KMT2C: variants seen among roughly 807,000 people sequenced by gnomAD.
The protein encoded by KMT2C is histone-lysine N-methyltransferase 2C.
In KMT2C, 88 loss-of-function variants were observed where a neutral mutation model predicts 507.9. The observed-to-expected ratio is 0.17, with a 90% confidence interval of 0.15 to 0.21. The LOEUF is 0.21. Among genes scored for constraint, KMT2C ranks in the 10% least tolerant of loss-of-function variants. KMT2C has a pLI of 1.00. For synonymous variants in KMT2C, 2,049 were observed against 2,080.8 expected, an observed-to-expected ratio of 0.98 and a Z score of 0.42; for missense variants, 4,954 against 5,957.8, an observed-to-expected ratio of 0.83 and a Z score of 5.55.
At chr7:152,367,375 C>A (rs1272818561) in intron 1 of KMT2C, 6 of 711,770 alleles carry the variant, frequency 8.4e-6, no homozygotes, top group Non-Finnish European at 1.5e-5. Flanking sequence ...ACCAGGGGCA[C>A]CCCCGGCTGG....
intron 2 of KMT2C, among the ~76,000 whole-genome samples, chr7:152,340,295 A>T (rs963833027): frequency 6.6e-6 from 1 of 151,922 alleles, no homozygotes; most frequent in Admixed American, 6.6e-5. Flanking sequence ...TGCCCAGCCT[A>T]ATCAGCTATT....
At chr7:152,433,046 G>A (rs1255259938) in intron 1 of KMT2C, among the ~76,000 whole-genome samples, 4 of 152,038 alleles carry the variant, frequency 2.6e-5, no homozygotes, top group Non-Finnish European at 5.9e-5. Flanking sequence ...TACTCTGGAG[G>A]CTGAGGAAGG....
intron 34 of KMT2C, among the ~76,000 whole-genome samples, chr7:152,184,801 G>C (rs1419877472): frequency 6.6e-6 from 1 of 152,104 alleles, no homozygotes; most frequent in Non-Finnish European, 1.5e-5. Flanking sequence ...ACCTAGCAGG[G>C]TGGTCTTGCT....
rs2093411199 is a variant in KMT2C, at chr7:152,180,832, T to C, written c.7028A>G (p.His2343Arg). Residue 2343 changes from histidine to arginine, a missense_variant, in exon 36 of 59, where the codon CAC becomes CGC. This residue lies in a region of KMT2C where 1,689 missense variants were observed against 1,654.3 expected (regional missense o/e 1.02). Transcript: ENST00000262189. The part of the protein sequence containing the change: ...SFCASSNSPM[H>R]SQGQQFSGVS... ...ACCAGAGAACTGCTGGCCTTGGGAGTGCATTGGAGAGTTTGAAGATGCACA... is the reference window on the plus strand; with the variant it reads ...ACCAGAGAACTGCTGGCCTTGGGAGCGCATTGGAGAGTTTGAAGATGCACA... The C allele has an allele frequency of 6.2e-7, 1 of 1,614,026 alleles. No homozygotes were observed. The highest frequency in any genetic ancestry group is 1.1e-5 in the South Asian group (1 of 91,080).
intron 3 of KMT2C, among the ~76,000 whole-genome samples, chr7:152,317,037 T>C (rs1461608314): frequency 2.0e-5 from 3 of 152,180 alleles, no homozygotes; most frequent in Non-Finnish European, 4.4e-5. Context: ...AGATTGACAT[T>C]AGTCTTATCA....
At chr7:152,373,764 G>A (rs906336170) in intron 1 of KMT2C, among the ~76,000 whole-genome samples, 1 of 152,104 alleles carries the variant, frequency 6.6e-6, no homozygotes, top group African/African-American at 2.4e-5. Flanking sequence ...TTATTCTACT[G>A]TAATAGAAAG....
At chr7:152,185,695 G>C (rs2093605320) in intron 33 of KMT2C, 64 bp from the exon 34 acceptor site, 2 of 1,137,064 alleles carry the variant, frequency 1.8e-6, no homozygotes, top group Admixed American at 1.7e-5. Context: ...TTGTAATAAA[G>C]AATGTTGATG....
chr7:152,400,047 G>A (rs766978335), intron 1 of KMT2C, among the ~76,000 whole-genome samples: 6 of 152,084 alleles, frequency 3.9e-5, no homozygotes, highest in African/African-American at 1.2e-4. Flanking sequence ...GGGGGTTCAC[G>A]CCTGTAATCC....
At chr7:152,308,673 C>CAAAAAAAAAAAAAAAAA (rs938826373) in intron 6 of KMT2C, among the ~76,000 whole-genome samples, 9 of 24,566 alleles carry the variant, frequency 3.7e-4, no homozygotes, top group Admixed American at 1.2e-3. Context: ...AAACTCCTCT[C>CAAAAAAAAAAAAAAAAA]AAAAAAAAAA....
intron 52 of KMT2C, among the ~76,000 whole-genome samples, chr7:152,147,121 A>T (rs1353196841): frequency 6.6e-6 from 1 of 152,016 alleles, no homozygotes; most frequent in Non-Finnish European, 1.5e-5. Flanking sequence ...TGTTAAATTG[A>T]TATTTTCTTT....
chr7:152,166,910 T>A (rs2092755305), intron 42 of KMT2C, among the ~76,000 whole-genome samples: 1 of 152,218 alleles, frequency 6.6e-6, no homozygotes, highest in Admixed American at 6.5e-5. Context: ...AGACTCAATC[T>A]CTTTTGTGTC....
At chr7:152,185,339 A>G (rs780375035) in intron 34 of KMT2C, among the ~76,000 whole-genome samples, 24 of 152,190 alleles carry the variant, frequency 1.6e-4, no homozygotes, top group Non-Finnish European at 2.6e-4. Context: ...CTGATTTTCA[A>G]TCTTCAACGT....
At chr7:152,164,109 G>A (rs1167160822) in intron 42 of KMT2C, among the ~76,000 whole-genome samples, 1 of 151,880 alleles carries the variant, frequency 6.6e-6, no homozygotes, top group African/African-American at 2.4e-5. Context: ...AAAATCTTAT[G>A]GTGAAACTCA....
intron 52 of KMT2C, 129 bp downstream of exon 52, chr7:152,147,904 G>T: frequency 3.0e-6 from 3 of 1,016,554 alleles, no homozygotes; most frequent in Non-Finnish European, 2.7e-6. Flanking sequence ...ATTGGCATTT[G>T]TAAATGAAAA....
At chr7:152,236,123 T>C (rs1164504989) in intron 15 of KMT2C, among the ~76,000 whole-genome samples, 190 bp from the exon 16 acceptor site, 2 of 152,268 alleles carry the variant, frequency 1.3e-5, no homozygotes, top group African/African-American at 4.8e-5. Flanking sequence ...AAATATAAAA[T>C]GCTTACAACC....
At chr7:152,429,905 G>C (rs890469570) in intron 1 of KMT2C, among the ~76,000 whole-genome samples, 2 of 151,948 alleles carry the variant, frequency 1.3e-5, no homozygotes, top group East Asian at 3.9e-4. Context: ...AGCCGGGCGT[G>C]GTGGCTCACG....
intron 58 of KMT2C, chr7:152,137,286 A>G (rs2089966389): frequency 5.5e-6 from 1 of 181,804 alleles, no homozygotes; most frequent in Non-Finnish European, 1.2e-5. Context: ...ACCTCCCCTG[A>G]TTTACTGAAT....
chr7:152,367,131 G>C, intron 1 of KMT2C: 1 of 1,125,780 alleles, frequency 8.9e-7, no homozygotes, highest in Non-Finnish European at 1.3e-6. Context: ...TGGTCTCCTA[G>C]AAATCTAGCA....
At chr7:152,295,369 T>C (rs2096481341) in intron 6 of KMT2C, among the ~76,000 whole-genome samples, 2 of 152,196 alleles carry the variant, frequency 1.3e-5, no homozygotes, top group Non-Finnish European at 2.9e-5. Context: ...TCCTGTCCCC[T>C]AGTATTCTCT....
Sources: allele counts gnomAD v4.1 joint callset (sites outside exome capture counted in the v4.1 genomes callset), GRCh38; gene constraint gnomAD v4.1.1; regional missense constraint gnomAD v4.1.1; transcripts MANE v1.5; gene names NCBI Gene and HGNC (gene_info 2026-07-23, HGNC 2026-07-21).